Variants in HID1 observed in about 807,000 individuals in gnomAD.
HID1 encodes protein HID1.
A neutral mutation model predicts 89.7 loss-of-function variants in HID1; 42 were observed. The ratio of observed to expected loss-of-function variants is 0.47; its 90% CI spans 0.37 to 0.61. The LOEUF (loss-of-function observed/expected upper bound fraction) is 0.61. Ranked by LOEUF, HID1 falls within the 20% of genes least tolerant of loss-of-function variation. HID1 has a pLI of 0.00. For synonymous variants in HID1, 442 were observed against 433.8 expected (o/e 1.02, Z -0.24); for missense variants, 854 against 1,039.3 (o/e 0.82, Z 2.45).
intron 1 of HID1, among the ~76,000 whole-genome samples, chr17:74,965,564 C>T (rs1205304431): frequency 6.6e-6 from 1 of 152,164 alleles, no homozygotes; most frequent in Non-Finnish European, 1.5e-5. Context: ...TTCCCCCTTC[C>T]CCTTTTCCCC....
chr17:74,958,772 G>T lies in HID1; in HGVS notation c.1150-9C>A. 6.2e-7 allele frequency: 1 copy of T among 1,613,052 alleles called. No individual in the cohort carries two copies. The highest frequency in any genetic ancestry group is 8.5e-7 in the Non-Finnish European group (1 of 1,179,478). ...ACGAAGAAGAGGAATTTCTAGGGGT[G>T]CGGGGAGGGGCCAAGTGGGCTGAGT... On this transcript the variant is annotated splice_polypyrimidine_tract_variant and intron_variant, in intron 9 of 18. Coordinates refer to ENST00000425042, the MANE Select transcript of HID1 (RefSeq NM_030630.3). The surrounding 1 kb of genome is among the most constrained non-coding windows in gnomAD (Gnocchi z 5.2).
Position 74,959,741 on chromosome 17 carries a change from A to G in HID1, c.1008+140T>C. 3.4e-6 allele frequency: 3 copies of G among 883,356 alleles called. No homozygotes were observed. Among genetic ancestry groups the G allele is most frequent in the Non-Finnish European group, 5.4e-6 (3 of 550,822 alleles). 54.7% of individuals were successfully genotyped at this position (883,356 alleles called of 1,614,324 possible). ...CCTTCCTGCATCTTGAAACCCTCAC[A>G]GTCCTGCCACTATTTCACCTAGGGT... On this transcript the variant is annotated intron_variant, in intron 8 of 18. Coordinates refer to ENST00000425042, the MANE Select transcript of HID1 (RefSeq NM_030630.3). The surrounding 1 kb of genome is among the most constrained non-coding windows in gnomAD (Gnocchi z 4.6).
In HID1 at chr17:74,959,447, G is replaced by A. The variant is rs1255511386; in HGVS notation, c.1009-396C>T. Among the ~76,000 whole-genome samples the A allele has an allele frequency of 6.6e-6, 1 of 152,048 alleles. No homozygotes were observed. Among genetic ancestry groups the A allele is most frequent in the Non-Finnish European group, 1.5e-5 (1 of 68,012 alleles). ...CCCCATCACCCCATCACAACTCGAG[G>A]AGCATTCCACTGTTCTGTCATTTAC... On this transcript the variant is annotated intron_variant, in intron 8 of 18. Transcript: ENST00000425042. This position sits in a 1 kb window ranked among gnomAD's most constrained non-coding sequence, Gnocchi z 4.6.
chr17:74,963,130 GA>G, intron 3 of HID1, 49 bp from the exon 4 acceptor site: 1 of 1,403,328 alleles, frequency 7.1e-7, no homozygotes, highest in South Asian at 1.3e-5. Flanking sequence ...TGGCCAGGAA[GA>G]GGTGGCCCAG....
chr17:74,966,675 C>T (rs531186576), intron 1 of HID1, among the ~76,000 whole-genome samples: 3 of 152,192 alleles, frequency 2.0e-5, no homozygotes, highest in East Asian at 3.9e-4. Flanking sequence ...TGGGGCCGGG[C>T]GTGGTGGCTC....
rs1280663692 is a variant in HID1, at chr17:74,953,676, A to G, written c.1865-25T>C. On this transcript the variant is annotated intron_variant, in intron 14 of 18. Transcript: ENST00000425042. ...CCTGGGCAGGGCACAGGTGGGAGTGAGGACTCCCTGCCACAGTGACCCTTC... is the reference window on the plus strand; with the variant it reads ...CCTGGGCAGGGCACAGGTGGGAGTGGGGACTCCCTGCCACAGTGACCCTTC... The G allele has an allele frequency of 1.9e-6, 3 of 1,559,122 alleles. No homozygotes were observed. In the African/African-American group the frequency reaches 4.1e-5, roughly 21 times the overall value.
At chr17:74,966,720 T>A (rs1262103250) in intron 1 of HID1, among the ~76,000 whole-genome samples, 2 of 151,488 alleles carry the variant, frequency 1.3e-5, no homozygotes, top group Non-Finnish European at 2.9e-5. Flanking sequence ...GAGGCCAAGG[T>A]GGGAGAATTG....
Position 74,958,156 on chromosome 17 carries a change from T to A in HID1, c.1456A>T (p.Thr486Ser). 2 of 1,609,482 alleles carry A rather than the reference T, an allele frequency of 1.2e-6. No homozygotes were observed. The highest frequency in any genetic ancestry group is 1.7e-6 in the Non-Finnish European group (2 of 1,178,322). Residue 486 changes from threonine (T) to serine (S), a missense_variant, in exon 12 of 19, where the codon ACC (threonine) becomes TCC (serine). By Grantham distance (58) the Thr-to-Ser change is moderately conservative. Transcript: ENST00000425042. The surrounding 1 kb of genome is among the most constrained non-coding windows in gnomAD (Gnocchi z 5.2). ...GGGCCCCTACCGTTGACCACGATGGTGAGCAGGCAGTCGAAGAGGGGCTGC... is the reference window on the plus strand; with the variant it reads ...GGGCCCCTACCGTTGACCACGATGGAGAGCAGGCAGTCGAAGAGGGGCTGC... ...RLQPLFDCLL[T>S]IVVNVSPYLK...
At chr17:74,964,697 C>T in intron 1 of HID1, 65 bp from the exon 2 acceptor site, 1 of 1,528,812 alleles carries the variant, frequency 6.5e-7, no homozygotes, top group Non-Finnish European at 8.8e-7. Flanking sequence ...CTTTGCCCAA[C>T]TTGTGGCCAG....
intron 2 of HID1, 48 bp downstream of exon 2, chr17:74,964,435 T>C: frequency 6.4e-7 from 1 of 1,574,388 alleles, no homozygotes; most frequent in East Asian, 2.3e-5. Flanking sequence ...TCTCCTGCTG[T>C]GGGCTGGGAG....
chr17:74,966,672 G>C (rs557310249), intron 1 of HID1, among the ~76,000 whole-genome samples: 5 of 152,078 alleles, frequency 3.3e-5, no homozygotes, highest in Non-Finnish European at 7.4e-5. Flanking sequence ...TTCTGGGGCC[G>C]GGCGTGGTGG....
chr17:74,963,818 G>A lies in HID1; in HGVS notation c.309C>T (p.Arg103=), dbSNP rs770822768. Residue 103 remains arginine (R), a synonymous_variant, in exon 3 of 19, where the codon CGC becomes CGT. Transcript: ENST00000425042. ...IVLNCSRLLT[R]VLPYIFEDPD... is the part of the protein sequence containing the mutation. ...GGTCCTCAAAGATGTAGGGCAGCAC[G>A]CGGGTGAGCAGCCGGCTGCAGTTCA... The A allele has an allele frequency of 2.7e-5, 44 of 1,614,000 alleles. No individual in the cohort carries two copies. The highest frequency in any genetic ancestry group is 3.3e-4 in the Middle Eastern group (2 of 6,080).
At position 74,952,937 on chromosome 17, in the gene HID1, C is replaced by G. The variant is rs1045188126; in HGVS notation, c.2052+69G>C. ...TTCCCTGGGCCAAGGAGCCCCAACC[C>G]AGCTCCCGCCTCAGTACCATCTGCC... On this transcript the variant is annotated intron_variant, in intron 16 of 18. Coordinates refer to ENST00000425042, the MANE Select transcript of HID1 (RefSeq NM_030630.3). The G allele has an allele frequency of 3.2e-6, 4 of 1,265,996 alleles. No homozygotes were observed. In the African/African-American group the frequency reaches 5.9e-5, roughly 19 times the overall value. 78.4% of individuals were successfully genotyped at this position (1,265,996 alleles called of 1,614,324 possible).
At chr17:74,964,432 C>T (rs2039531413) in intron 2 of HID1, 51 bp downstream of exon 2, 1 of 1,569,902 alleles carries the variant, frequency 6.4e-7, no homozygotes, top group Non-Finnish European at 8.6e-7. Context: ...CCTTCTCCTG[C>T]TGTGGGCTGG....
In HID1 at chr17:74,962,533, C is replaced by T. The variant is rs996462193; in HGVS notation, c.505-193G>A. ...TGAATATTCTTAGGCCTCTTGAAAGCTCATTTTTCTTCCATCTCAGACTGG... is the reference window on the plus strand; with the variant it reads ...TGAATATTCTTAGGCCTCTTGAAAGTTCATTTTTCTTCCATCTCAGACTGG... On this transcript the variant is annotated intron_variant, in intron 4 of 18. Transcript: ENST00000425042. This position sits in a 1 kb window ranked among gnomAD's most constrained non-coding sequence, Gnocchi z 4.3. Among the ~76,000 whole-genome samples the T allele has an allele frequency of 6.6e-6, 1 of 152,132 alleles. No individual in the cohort carries two copies. Among genetic ancestry groups the T allele is most frequent in the African/African-American group, 2.4e-5 (1 of 41,436 alleles).
At chr17:74,970,316 G>A (rs551904448) in intron 1 of HID1, among the ~76,000 whole-genome samples, 17 of 152,350 alleles carry the variant, frequency 1.1e-4, no homozygotes, top group African/African-American at 3.4e-4. Context: ...CTCTCAGGGT[G>A]TGCAGGGGGA....
chr17:74,956,254 C>G (rs1353062247), intron 12 of HID1, among the ~76,000 whole-genome samples: 1 of 152,146 alleles, frequency 6.6e-6, no homozygotes, highest in Non-Finnish European at 1.5e-5. Flanking sequence ...AGGACACAGA[C>G]AAGATCATCC....
chr17:74,954,617 C>G (rs1361950395), intron 13 of HID1: 1 of 599,512 alleles, frequency 1.7e-6, no homozygotes, highest in Admixed American at 3.1e-5. Context: ...CTTTGAGTTC[C>G]CGCCACAACC....
rs536682563 is a variant in HID1, at chr17:74,969,893, G to A, written c.66+2698C>T. ...TGGGATTACAGCCATGAGCCACCAC[G>A]CCTGGCCAAAATCAGATTTTTCTTT... On this transcript the variant is annotated intron_variant, in intron 1 of 18. Transcript: ENST00000425042. 2.1e-3 allele frequency among the ~76,000 whole-genome samples: 300 copies of A among 142,244 alleles called. 2 individuals carry two copies. Among genetic ancestry groups the A allele is most frequent in the African/African-American group, 7.2e-3 (277 of 38,354 alleles). 93.3% of individuals were successfully genotyped at this position (142,244 alleles called of 152,430 possible). A position where few individuals can be genotyped will look rare whatever the true frequency, so the allele number is the denominator to read the frequency against.
Sources: gnomAD v4.1 joint callset for allele counts (sites outside exome capture counted in the v4.1 genomes callset) on GRCh38, gnomAD v4.1.1 for gene constraint, Gnocchi (gnomAD v3.1) non-coding constraint, MANE v1.5 for transcripts, NCBI Gene and HGNC (gene_info 2026-07-23, HGNC 2026-07-21) for gene names.